OPCML: variants seen among roughly 807,000 people sequenced by gnomAD.
OPCML encodes opioid binding protein/cell adhesion molecule like, also known as opioid-binding protein/cell adhesion molecule.
OPCML carries 13 observed loss-of-function variants against 37.8 expected under a neutral mutation model. That is an observed-to-expected ratio of 0.34 (90% CI 0.22 to 0.55). The LOEUF is 0.55. Ranked by LOEUF, OPCML falls within the 20% of genes least tolerant of loss-of-function variation. OPCML has a pLI of 0.91. For missense variants in OPCML, 341 were observed against 435.6 expected, an observed-to-expected ratio of 0.78 and a Z score of 1.93; for synonymous variants, 176 against 168.8, an observed-to-expected ratio of 1.04 and a Z score of -0.33.
intron 1 of OPCML, among the ~76,000 whole-genome samples, chr11:133,059,555 T>G (rs185445886): frequency 2.0e-5 from 3 of 152,180 alleles, no homozygotes; most frequent in Non-Finnish European, 4.4e-5. Flanking sequence ...CAAACGCCAG[T>G]TTCACTTAAG....
chr11:132,861,235 G>A (rs1942286214), intron 2 of OPCML, among the ~76,000 whole-genome samples: 1 of 152,070 alleles, frequency 6.6e-6, no homozygotes, highest in African/African-American at 2.4e-5. Context: ...GAGGAAATGG[G>A]GTATAATATA....
chr11:133,479,231 ACT>A (rs1226472787), intron 1 of OPCML, among the ~76,000 whole-genome samples: 1 of 152,132 alleles, frequency 6.6e-6, no homozygotes, highest in Non-Finnish European at 1.5e-5. Flanking sequence ...TGAATCAGAA[ACT>A]CAAACTAAGG....
intron 2 of OPCML, among the ~76,000 whole-genome samples, chr11:132,872,233 A>C (rs1038444413): frequency 2.6e-5 from 4 of 152,232 alleles, no homozygotes; most frequent in African/African-American, 9.6e-5. Flanking sequence ...ATTCAGAAGA[A>C]TATAACCTGC....
chr11:133,384,258 AAAAAAAAG>A (rs1944994446), intron 1 of OPCML, among the ~76,000 whole-genome samples: 1 of 144,520 alleles, frequency 6.9e-6, no homozygotes, highest in African/African-American at 2.6e-5. Context: ...AAAAAAAAAA[AAAAAAAAG>A]AAAAGAAAAG....
intron 2 of OPCML, among the ~76,000 whole-genome samples, chr11:132,709,307 G>T (rs1314950674): frequency 2.0e-5 from 3 of 152,114 alleles, no homozygotes; most frequent in Non-Finnish European, 4.4e-5. Flanking sequence ...ATTTATAGAA[G>T]AGTTGCAACG....
At chr11:132,570,905 G>C (rs762869850) in intron 3 of OPCML, among the ~76,000 whole-genome samples, 2 of 150,126 alleles carry the variant, frequency 1.3e-5, no homozygotes, top group African/African-American at 2.5e-5. Context: ...CAACTCAATT[G>C]GATTGAAGTA....
chr11:133,146,873 C>A (rs1949905231), intron 1 of OPCML, among the ~76,000 whole-genome samples: 1 of 152,212 alleles, frequency 6.6e-6, no homozygotes, highest in African/African-American at 2.4e-5. Context: ...GGGGAAAAAA[C>A]ACACACAGTT....
At chr11:132,464,258 C>T (rs145590805) in intron 4 of OPCML, among the ~76,000 whole-genome samples, 4 of 152,052 alleles carry the variant, frequency 2.6e-5, no homozygotes, top group South Asian at 2.1e-4. Context: ...GGGAGGCTGT[C>T]GCAGACTGCC....
chr11:133,029,722 T>C (rs986515075), intron 1 of OPCML, among the ~76,000 whole-genome samples: 8 of 152,116 alleles, frequency 5.3e-5, no homozygotes, highest in Admixed American at 3.3e-4. Context: ...TTTCAAAAAG[T>C]GTGAGGGGCA....
At chr11:132,795,620 G>A (rs1284719766) in intron 2 of OPCML, among the ~76,000 whole-genome samples, 1 of 152,162 alleles carries the variant, frequency 6.6e-6, no homozygotes, top group Admixed American at 6.5e-5. Context: ...TGTGTCTATA[G>A]ATTTGGAAAT....
At chr11:132,741,092 A>C (rs1333204425) in intron 2 of OPCML, among the ~76,000 whole-genome samples, 1 of 152,164 alleles carries the variant, frequency 6.6e-6, no homozygotes, top group African/African-American at 2.4e-5. Flanking sequence ...TGTATTCCTC[A>C]TAACTGATAC....
At chr11:132,917,163 GATT>G (rs1483167838) in intron 2 of OPCML, among the ~76,000 whole-genome samples, 1 of 152,144 alleles carries the variant, frequency 6.6e-6, no homozygotes, top group Non-Finnish European at 1.5e-5. Context: ...TAGTCCAATT[GATT>G]ATTAAGACAC....
rs1016408584 is a variant in OPCML at position 132,870,671 on chromosome 11, C to T, written c.146+72255G>A. ...AAGAACGTAAGTGTCCCTCAACAGA[C>T]GAATGGGTGAGGAAAATGTTGTAGA... On this transcript the variant is annotated intron_variant, in intron 2 of 7. Coordinates refer to ENST00000524381, the MANE Select transcript of OPCML (RefSeq NM_001012393.5). Among the ~76,000 whole-genome samples the T allele has an allele frequency of 9.2e-5, 14 of 152,232 alleles. 1 individual carries two copies. The highest frequency in any genetic ancestry group is 6.2e-4 in the South Asian group (3 of 4,814).
At chr11:133,335,434 C>T (rs1007053835) in intron 1 of OPCML, among the ~76,000 whole-genome samples, 2 of 152,120 alleles carry the variant, frequency 1.3e-5, no homozygotes, top group Non-Finnish European at 2.9e-5. Flanking sequence ...CAGTGTGGGC[C>T]CTGGACTGCG....
At chr11:133,236,509 A>G (rs978984567) in intron 1 of OPCML, among the ~76,000 whole-genome samples, 1 of 145,992 alleles carries the variant, frequency 6.8e-6, no homozygotes, top group African/African-American at 2.4e-5. Flanking sequence ...TTCCTTTTCA[A>G]AGACTTGTCT....
At chr11:132,819,874 C>T (rs901086588) in intron 2 of OPCML, among the ~76,000 whole-genome samples, 1 of 152,150 alleles carries the variant, frequency 6.6e-6, no homozygotes, top group Non-Finnish European at 1.5e-5. Flanking sequence ...GGCTGCTGTG[C>T]TGTTTGTGAT....
chr11:133,188,009 CA>C (rs1244708607), intron 1 of OPCML, among the ~76,000 whole-genome samples: 2 of 152,150 alleles, frequency 1.3e-5, no homozygotes, highest in African/African-American at 4.8e-5. Context: ...TGGGTGACAA[CA>C]AAAAACAGGT....
intron 2 of OPCML, among the ~76,000 whole-genome samples, chr11:132,673,028 A>T (rs1942545191): frequency 6.6e-6 from 1 of 152,170 alleles, no homozygotes; most frequent in African/African-American, 2.4e-5. Context: ...CTTAAAAAAA[A>T]ATCCTAACAC....
chr11:133,064,380 C>T (rs180708806), intron 1 of OPCML, among the ~76,000 whole-genome samples: 16 of 152,356 alleles, frequency 1.1e-4, no homozygotes, highest in Admixed American at 7.2e-4. Context: ...AGAGCTCCTC[C>T]GCAGGGAGCA....
Sources: gnomAD v4.1 joint callset for allele counts (sites outside exome capture counted in the v4.1 genomes callset) on GRCh38, gnomAD v4.1.1 for gene constraint, MANE v1.5 for transcripts, NCBI Gene and HGNC (gene_info 2026-07-23, HGNC 2026-07-21) for gene names.